The following HSPA12A variants were observed in gnomAD, a reference collection of about 807,000 sequenced individuals.
The protein encoded by HSPA12A is heat shock 70 kDa protein 12A.
Under a neutral mutation model 69.2 loss-of-function variants are expected in HSPA12A, and 28 were observed. That is an observed-to-expected ratio of 0.40 (90% CI 0.30 to 0.55). The LOEUF (loss-of-function observed/expected upper bound fraction) is 0.55, where lower values mean the gene tolerates loss of function less well. Ranked by LOEUF, HSPA12A falls within the 20% of genes least tolerant of loss-of-function variation. The pLI is 0.38. For synonymous variants in HSPA12A, 345 were observed against 370.5 expected, an observed-to-expected ratio of 0.93 and a Z score of 0.79; for missense variants, 686 against 900.7, an observed-to-expected ratio of 0.76 and a Z score of 3.05.
At chr10:116,743,354 C>T (rs1052858418), upstream of HSPA12A, among the ~76,000 whole-genome samples, 1 of 152,242 alleles carries the variant, frequency 6.6e-6, no homozygotes, top group Non-Finnish European at 1.5e-5. Context: ...CAGGCACCCC[C>T]TGGGTCCGCG....
chr10:116,838,150 G>GAT (rs1845748645), intron 1 of HSPA12A, among the ~76,000 whole-genome samples: 1 of 152,114 alleles, frequency 6.6e-6, no homozygotes, highest in African/African-American at 2.4e-5. Context: ...CTATTTGATC[G>GAT]GTGGTCTAGG....
At chr10:116,752,584 A>G (rs1217075206) in intron 2 of HSPA12A, among the ~76,000 whole-genome samples, 1 of 152,232 alleles carries the variant, frequency 6.6e-6, no homozygotes, top group Non-Finnish European at 1.5e-5. Flanking sequence ...GACTTCAACC[A>G]GTACCCTCAT....
At chr10:116,714,238 A>T (rs1198871802) in intron 1 of HSPA12A, among the ~76,000 whole-genome samples, 3 of 152,096 alleles carry the variant, frequency 2.0e-5, no homozygotes, top group Non-Finnish European at 4.4e-5. Flanking sequence ...GTTCTTTCCC[A>T]ACTGAGGCAT....
chr10:116,702,685 G>T (rs949565321), intron 3 of HSPA12A, among the ~76,000 whole-genome samples: 5 of 152,172 alleles, frequency 3.3e-5, no homozygotes, highest in Admixed American at 2.0e-4. Flanking sequence ...TATCAGTAGA[G>T]AATGACCCCA....
intron 2 of HSPA12A, among the ~76,000 whole-genome samples, chr10:116,775,241 AT>A (rs1844309594): frequency 1.3e-5 from 2 of 152,192 alleles, no homozygotes; most frequent in South Asian, 4.1e-4. Flanking sequence ...CAGGACTCCC[AT>A]TTTACAGATG....
chr10:116,765,109 G>A (rs1620249), intron 2 of HSPA12A, among the ~76,000 whole-genome samples: 150,662 of 152,306 alleles, frequency 0.99, 74,540 homozygotes, highest in East Asian at 1. Flanking sequence ...ATGCTACTGG[G>A]TACATCTGTA....
At chr10:116,813,108 T>C (rs748746748) in intron 2 of HSPA12A, among the ~76,000 whole-genome samples, 11 of 152,012 alleles carry the variant, frequency 7.2e-5, no homozygotes, top group Non-Finnish European at 1.6e-4. Flanking sequence ...ATGAACTCTC[T>C]GGGTTCGAGT....
At chr10:116,812,473 TAAATA>T (rs960841620) in intron 2 of HSPA12A, among the ~76,000 whole-genome samples, 4 of 150,624 alleles carry the variant, frequency 2.7e-5, no homozygotes, top group South Asian at 2.1e-4. Flanking sequence ...TAAAATAAAA[TAAATA>T]AAATAAAATA....
At chr10:116,836,155 T>G (rs918606993) in intron 1 of HSPA12A, among the ~76,000 whole-genome samples, 1 of 152,158 alleles carries the variant, frequency 6.6e-6, no homozygotes, top group Non-Finnish European at 1.5e-5. Flanking sequence ...TCCCATCACA[T>G]GCCTGGGCCC....
intron 2 of HSPA12A, among the ~76,000 whole-genome samples, chr10:116,805,462 A>G (rs534385948): frequency 2.6e-5 from 4 of 152,330 alleles, no homozygotes; most frequent in African/African-American, 9.6e-5. Flanking sequence ...ATTTTCCTTA[A>G]CAATGATGGG....
intron 1 of HSPA12A, among the ~76,000 whole-genome samples, chr10:116,742,051 C>T (rs1200352943): frequency 6.6e-6 from 1 of 152,162 alleles, no homozygotes; most frequent in Non-Finnish European, 1.5e-5. Context: ...TTTACCCAGC[C>T]AGCGCCGGCC....
At chr10:116,685,864 T>G (rs911149874) in intron 6 of HSPA12A, among the ~76,000 whole-genome samples, 9 of 152,144 alleles carry the variant, frequency 5.9e-5, no homozygotes, top group Non-Finnish European at 1.2e-4. Flanking sequence ...GAACCACATC[T>G]GGAAGGCTGA....
At chr10:116,828,300 C>T (rs1845548469) in intron 2 of HSPA12A, among the ~76,000 whole-genome samples, 2 of 152,184 alleles carry the variant, frequency 1.3e-5, no homozygotes, top group African/African-American at 4.8e-5. Context: ...ACAGAACTCT[C>T]AAAAAGCTTT....
At chr10:116,750,697 C>G (rs782262446) in intron 2 of HSPA12A, 2 of 184,400 alleles carry the variant, frequency 1.1e-5, no homozygotes, top group Non-Finnish European at 2.2e-5. Context: ...AGAGAGGGGC[C>G]GGGCTCCGTG....
intron 2 of HSPA12A, among the ~76,000 whole-genome samples, chr10:116,786,338 C>T (rs1844576588): frequency 6.6e-6 from 1 of 152,176 alleles, no homozygotes; most frequent in Non-Finnish European, 1.5e-5. Flanking sequence ...CGCCTTGCCC[C>T]TAGCCTGGGC....
chr10:116,699,873 G>A (rs10787714), intron 4 of HSPA12A, among the ~76,000 whole-genome samples: 2 of 152,140 alleles, frequency 1.3e-5, no homozygotes, highest in African/African-American at 2.4e-5. Context: ...GGACAACCAC[G>A]CCGATGGGCA....
At chr10:116,816,239 C>A (rs1845301183) in intron 2 of HSPA12A, among the ~76,000 whole-genome samples, 1 of 152,222 alleles carries the variant, frequency 6.6e-6, no homozygotes, top group South Asian at 2.1e-4. Context: ...GCCATTCTTT[C>A]TGCCACATTC....
rs929463248 is a variant in HSPA12A, at chr10:116,697,247, A to G, written c.546+1388T>C. ...TGAAGTTCCCAAATCTTTTTGGATA[A>G]AGCTCAAAACATCAGTGCTCTTTAA... On this transcript the variant is annotated intron_variant, in intron 5 of 11. Coordinates refer to ENST00000369209, the MANE Select transcript of HSPA12A (RefSeq NM_025015.3). Among the ~76,000 whole-genome samples, 4 of 152,150 alleles carry G rather than the reference A, an allele frequency of 2.6e-5. No homozygotes were observed. The East Asian group carries it at 7.7e-4, about 29-fold the overall frequency.
chr10:116,809,380 G>A (rs1245921490), intron 2 of HSPA12A, among the ~76,000 whole-genome samples: 1 of 152,168 alleles, frequency 6.6e-6, no homozygotes, highest in Non-Finnish European at 1.5e-5. Context: ...GACACACCTG[G>A]ATTCAAAGCC....
Sources: allele counts gnomAD v4.1 joint callset (sites outside exome capture counted in the v4.1 genomes callset), GRCh38; gene constraint gnomAD v4.1.1; transcripts MANE v1.5; gene names NCBI Gene and HGNC (gene_info 2026-07-23, HGNC 2026-07-21).